SNX3: variants seen among roughly 807,000 people sequenced by gnomAD.
SNX3 encodes sorting nexin-3.
Under a neutral mutation model 17.7 loss-of-function variants are expected in SNX3, and 5 were observed. The ratio of observed to expected loss-of-function variants is 0.28; its 90% CI spans 0.15 to 0.59. SNX3 has a LOEUF of 0.59. Among genes scored for constraint, SNX3 ranks in the 20% least tolerant of loss-of-function variants. The pLI, the probability that SNX3 is intolerant of heterozygous loss-of-function variation, is 0.88. For missense variants in SNX3, 132 were observed against 206.8 expected (o/e 0.64, Z 2.22); for synonymous variants, 91 against 76.5 (o/e 1.19, Z -0.99).
At chr6:108,233,844 A>G (rs184010631) in intron 1 of SNX3, among the ~76,000 whole-genome samples, 10 of 152,324 alleles carry the variant, frequency 6.6e-5, no homozygotes, top group Admixed American at 3.3e-4. Context: ...GATATGGGCG[A>G]TAATATTTTA....
chr6:108,215,346 C>T (rs956968931), intron 2 of SNX3, among the ~76,000 whole-genome samples: 2 of 138,964 alleles, frequency 1.4e-5, no homozygotes, highest in African/African-American at 2.9e-5. Flanking sequence ...GAGACTCCGT[C>T]TAGAAAAAAA....
At chr6:108,224,856 G>C (rs900394158) in intron 1 of SNX3, among the ~76,000 whole-genome samples, 1 of 152,162 alleles carries the variant, frequency 6.6e-6, no homozygotes, top group Non-Finnish European at 1.5e-5. Flanking sequence ...AGTTACACTG[G>C]AATGTAAGAA....
At chr6:108,232,019 G>A (rs1775176121) in intron 1 of SNX3, among the ~76,000 whole-genome samples, 1 of 152,154 alleles carries the variant, frequency 6.6e-6, no homozygotes, top group African/African-American at 2.4e-5. Flanking sequence ...TGGGTATCTT[G>A]CTTTTCATTT....
chr6:108,214,523 G>T lies in SNX3; in HGVS notation c.358C>A (p.Gln120Lys). The T allele has an allele frequency of 6.2e-7, 1 of 1,613,642 alleles. No individual in the cohort carries two copies. Among genetic ancestry groups the T allele is most frequent in the Non-Finnish European group, 8.5e-7 (1 of 1,179,848 alleles). Residue 120 changes from glutamine to lysine, a missense_variant, in exon 3 of 4, where the codon CAA becomes AAA. Transcript: ENST00000230085. ...FDDNFIEERK[Q>K]GLEQFINKVA... ...TTGTTTATAAACTGCTCCAGCCCTTGTTTTCTTTCCTCAATAAAATTGTCA... is the reference window on the plus strand; with the variant it reads ...TTGTTTATAAACTGCTCCAGCCCTTTTTTTCTTTCCTCAATAAAATTGTCA...
rs1774802379 is a variant in SNX3, at chr6:108,222,146, A to G, written c.258+804T>C. On this transcript the variant is annotated intron_variant, in intron 2 of 3. Transcript: ENST00000230085. ...TCTTAGGCTAGAAACAGAAAAAAAA[A>G]GAAAACCCTTATTAAACTTGAGAAA... The G allele has an allele frequency of 2.5e-6, 3 of 1,183,842 alleles. No individual in the cohort carries two copies. In the South Asian group the frequency reaches 4.3e-5, roughly 17 times the overall value. 73.3% of individuals were successfully genotyped at this position (1,183,842 alleles called of 1,614,324 possible).
chr6:108,255,893 A>T (rs1233680350), intron 1 of SNX3, among the ~76,000 whole-genome samples: 1 of 152,174 alleles, frequency 6.6e-6, no homozygotes, highest in African/African-American at 2.4e-5. Context: ...TTATCAGCCA[A>T]CGTTATTATT....
At chr6:108,253,373 T>C (rs1473498130) in intron 1 of SNX3, among the ~76,000 whole-genome samples, 1 of 151,902 alleles carries the variant, frequency 6.6e-6, no homozygotes. Flanking sequence ...AAAATTCCTT[T>C]CTTAAATGAA....
At chr6:108,224,032 C>T (rs987239768) in intron 1 of SNX3, among the ~76,000 whole-genome samples, 4 of 152,088 alleles carry the variant, frequency 2.6e-5, no homozygotes, top group Non-Finnish European at 2.9e-5. Flanking sequence ...GGAAATATAC[C>T]TTACCTTTTA....
rs147281717 is a variant in SNX3 at position 108,240,363 on chromosome 6, C to T, written c.163-17318G>A. The stretch of plus-strand genomic sequence containing the variant: ...CTTCCCAAGTAGCTGGGATTACCGG[C>T]ACCCACCACCACGCCTGGCTAATTT... On this transcript the variant is annotated intron_variant, in intron 1 of 3. Coordinates refer to ENST00000230085, the MANE Select transcript of SNX3 (RefSeq NM_003795.6). 5.2e-3 allele frequency among the ~76,000 whole-genome samples: 795 copies of T among 152,296 alleles called. 2 individuals carry two copies. Among genetic ancestry groups the T allele is most frequent in the Non-Finnish European group, 7.9e-3 (539 of 68,028 alleles).
intron 1 of SNX3, among the ~76,000 whole-genome samples, chr6:108,232,915 G>C (rs1400914390): frequency 6.6e-6 from 1 of 152,228 alleles, no homozygotes; most frequent in Admixed American, 6.5e-5. Flanking sequence ...ATAAGGCTGA[G>C]AAGAAGTCAT....
At chr6:108,220,886 CAGG>C (rs757244506) in intron 2 of SNX3, among the ~76,000 whole-genome samples, 10 of 151,566 alleles carry the variant, frequency 6.6e-5, no homozygotes, top group Non-Finnish European at 1.0e-4. Context: ...GAGGCTGAGG[CAGG>C]AGAATTGCTT....
chr6:108,260,945 C>G lies in SNX3; in HGVS notation c.-24G>C, dbSNP rs758768172. 25 of 1,541,758 alleles carry G rather than the reference C, an allele frequency of 1.6e-5. No homozygotes were observed. Among genetic ancestry groups the G allele is most frequent in the Admixed American group, 3.8e-5 (2 of 52,494 alleles). On this transcript the variant is annotated 5_prime_UTR_variant, in exon 1 of 4. Coordinates refer to ENST00000230085, the MANE Select transcript of SNX3 (RefSeq NM_003795.6). ...ATTTCGCTGTAGCTGCTGCCGCCGC[C>G]GCGGGCTCCCTCCGCCCCCTCCGCG... is the stretch of plus-strand genomic sequence containing the variant.
At chr6:108,233,566 C>T (rs217133) in intron 1 of SNX3, among the ~76,000 whole-genome samples, 97,472 of 151,908 alleles carry the variant, frequency 0.64, 31,676 homozygotes, top group East Asian at 0.78. Flanking sequence ...CTGGCCAACA[C>T]GGTGAAACCC....
intron 3 of SNX3, among the ~76,000 whole-genome samples, chr6:108,213,130 C>G (rs1014551641): frequency 2.0e-5 from 3 of 151,760 alleles, no homozygotes; most frequent in South Asian, 4.2e-4. Flanking sequence ...CTCAAGTGAT[C>G]TGCCCACCTC....
intron 1 of SNX3, among the ~76,000 whole-genome samples, chr6:108,237,314 G>A (rs935025055): frequency 6.6e-6 from 1 of 152,130 alleles, no homozygotes. Flanking sequence ...CTGAGTTGCA[G>A]AGTTTGTAAG....
At chr6:108,231,246 C>T (rs144365292) in intron 1 of SNX3, among the ~76,000 whole-genome samples, 21 of 152,196 alleles carry the variant, frequency 1.4e-4, no homozygotes, top group African/African-American at 4.6e-4. Context: ...CCACCACGCC[C>T]GGCTAATTTT....
At chr6:108,222,853 C>T in intron 2 of SNX3, 97 bp downstream of exon 2, 1 of 746,680 alleles carries the variant, frequency 1.3e-6, no homozygotes, top group South Asian at 1.6e-5. Context: ...ATCATATTTG[C>T]TTTTACCCAT....
Position 108,223,497 on chromosome 6 carries a change from C to CTTTTT in SNX3, c.163-457_163-453dup, listed in dbSNP as rs59920022. ...ATAACAAAATAAAACTTTGCTAGTT[C>CTTTTT]TTTTTTTTTTTTTTTTTTTTTTTTT... On this transcript the variant is annotated intron_variant, in intron 1 of 3. Transcript: ENST00000230085. Among the ~76,000 whole-genome samples the CTTTTT allele has an allele frequency of 5.6e-3, 619 of 110,304 alleles. 101 individuals are homozygous for CTTTTT. The highest frequency in any genetic ancestry group is 0.024 in the African/African-American group (579 of 23,738). 72.4% of individuals were successfully genotyped at this position (110,304 alleles called of 152,430 possible).
intron 2 of SNX3, among the ~76,000 whole-genome samples, chr6:108,220,009 A>T (rs1774705979): frequency 6.6e-6 from 1 of 152,174 alleles, no homozygotes; most frequent in South Asian, 2.1e-4. Flanking sequence ...AGAAAAAGTT[A>T]AAAAAATTTA....
Sources: gnomAD v4.1 joint callset for allele counts (sites outside exome capture counted in the v4.1 genomes callset) on GRCh38, gnomAD v4.1.1 for gene constraint, MANE v1.5 for transcripts, NCBI Gene and HGNC (gene_info 2026-07-23, HGNC 2026-07-21) for gene names.